DGKD: variants seen among roughly 807,000 people sequenced by gnomAD.
The protein encoded by DGKD is diacylglycerol kinase delta, also known as DAG kinase delta.
Under a neutral mutation model 154.4 loss-of-function variants are expected in DGKD, and 68 were observed. The observed-to-expected ratio is 0.44, with a 90% CI of 0.36 to 0.54. The LOEUF is 0.54. Ranked by LOEUF, DGKD falls within the 20% of genes least tolerant of loss-of-function variation. DGKD has a pLI of 0.00. For synonymous variants in DGKD, 693 were observed against 638.0 expected (o/e 1.09, Z -1.30); for missense variants, 1,343 against 1,593.6 (o/e 0.84, Z 2.68).
intron 1 of DGKD, among the ~76,000 whole-genome samples, chr2:233,361,797 AT>A (rs886217848): frequency 4.7e-5 from 7 of 149,794 alleles, no homozygotes; most frequent in East Asian, 1.9e-4. Flanking sequence ...GATACTAGAC[AT>A]TTTTTTTTTC....
intron 24 of DGKD, 60 bp downstream of exon 24, chr2:233,460,405 T>C: frequency 6.3e-7 from 1 of 1,592,514 alleles, no homozygotes; most frequent in Non-Finnish European, 8.6e-7. Flanking sequence ...GGGACTGCAC[T>C]CTTCCAAGGC....
intron 24 of DGKD, 146 bp downstream of exon 24, chr2:233,460,491 C>A: frequency 2.8e-6 from 3 of 1,076,126 alleles, no homozygotes; most frequent in Non-Finnish European, 3.9e-6. Flanking sequence ...TGTTTATGTG[C>A]CCTCAGCTCT....
chr2:233,436,611 G>A (rs1441474473), intron 7 of DGKD, among the ~76,000 whole-genome samples, 170 bp downstream of exon 7: 1 of 152,266 alleles, frequency 6.6e-6, no homozygotes, highest in Non-Finnish European at 1.5e-5. Flanking sequence ...TCTTAGCTAT[G>A]TTTTGGGGTA....
In DGKD at chr2:233,355,820, A is replaced by C. The variant is rs150075838; in HGVS notation, c.156+1146A>C. 3.3e-3 allele frequency among the ~76,000 whole-genome samples: 499 copies of C among 152,358 alleles called. 5 individuals are homozygous for C. Among genetic ancestry groups the C allele is most frequent in the African/African-American group, 0.011 (478 of 41,588 alleles). On this transcript the variant is annotated intron_variant, in intron 1 of 29. Coordinates refer to ENST00000264057, the MANE Select transcript of DGKD (RefSeq NM_152879.3). ...AGGCACTTTCTTGGGTTAGCTTTAC[A>C]GCACTTGACATGGTTAGTTTATTAG...
chr2:233,459,948 T>C lies in DGKD; in HGVS notation c.2829+57T>C. On this transcript the variant is annotated intron_variant, in intron 23 of 29. Coordinates refer to ENST00000264057, the MANE Select transcript of DGKD (RefSeq NM_152879.3). The surrounding 1 kb of genome is among the most constrained non-coding windows in gnomAD (Gnocchi z 5.7). Reference sequence around the variant, plus strand: ...GGTACAGGGCTCACCTGTGGGCTCTTGTGTGCACTGTTAAGAGCTGGAGCT... The same window carrying C: ...GGTACAGGGCTCACCTGTGGGCTCTCGTGTGCACTGTTAAGAGCTGGAGCT... The C allele has an allele frequency of 2.6e-6, 4 of 1,566,320 alleles. No individual in the cohort carries two copies. Among genetic ancestry groups the C allele is most frequent in the Non-Finnish European group, 2.6e-6 (3 of 1,159,832 alleles).
rs2062799710 is a variant in DGKD, at chr2:233,438,844, T to G, written c.1085+465T>G. Among the ~76,000 whole-genome samples, 1 of 152,154 alleles carries G rather than the reference T, an allele frequency of 6.6e-6. No homozygotes were observed. Among genetic ancestry groups the G allele is most frequent in the South Asian group, 2.1e-4 (1 of 4,826 alleles). ...GGTGTATTTTCCTGGCGTGCCTCGT[T>G]CTTTGTAACAGCTGCCTAACATTGA... On this transcript the variant is annotated intron_variant, in intron 9 of 29. Coordinates refer to ENST00000264057, the MANE Select transcript of DGKD (RefSeq NM_152879.3). The surrounding 1 kb of genome is among the most constrained non-coding windows in gnomAD (Gnocchi z 4.1).
At chr2:233,387,613 T>C (rs747419238) in intron 1 of DGKD, among the ~76,000 whole-genome samples, 6 of 152,176 alleles carry the variant, frequency 3.9e-5, no homozygotes, top group Non-Finnish European at 8.8e-5. Context: ...TATAATCCAT[T>C]TCTGGATTCT....
intron 27 of DGKD, among the ~76,000 whole-genome samples, chr2:233,465,400 T>C (rs1030735084): frequency 5.3e-5 from 8 of 152,136 alleles, no homozygotes; most frequent in Admixed American, 2.0e-4. Flanking sequence ...CCTCTTACAG[T>C]GGAAGAACGT....
At chr2:233,446,623 G>A in intron 11 of DGKD, 89 bp from the exon 12 acceptor site, 10 of 1,359,790 alleles carry the variant, frequency 7.4e-6, no homozygotes, top group Middle Eastern at 1.9e-4. Context: ...TAAAGATCAA[G>A]GCTGCCAGCC....
intron 3 of DGKD, chr2:233,419,372 T>G (rs2062044858): frequency 2.0e-6 from 2 of 985,382 alleles, no homozygotes; most frequent in Non-Finnish European, 2.4e-6. Context: ...CACTTCAATT[T>G]TGATACACGT....
chr2:233,438,717 CTTTCATTTTATAATTTTT>C lies in DGKD; in HGVS notation c.1085+340_1085+357del. On this transcript the variant is annotated intron_variant, in intron 9 of 29. Transcript: ENST00000264057. The surrounding 1 kb of genome is among the most constrained non-coding windows in gnomAD (Gnocchi z 4.1). ...GCATACAACGTTGTGGGTGTATTTT[CTTTCATTTTATAATTTTT>C]TATTTATCTGTCTATCTATCATCTA... 6.9e-6 allele frequency among the ~76,000 whole-genome samples: 1 copy of C among 144,882 alleles called. No individual in the cohort carries two copies.
chr2:233,445,524 A>G lies in DGKD; in HGVS notation c.1195-99A>G. On this transcript the variant is annotated intron_variant, in intron 10 of 29. Transcript: ENST00000264057. This position sits in a 1 kb window ranked among gnomAD's most constrained non-coding sequence, Gnocchi z 5.5. ...TTTTAGGTCACGTCCCCACATTGCT[A>G]ACGTAACCCTCACGGTGGGGGACAA... 1 of 1,473,686 alleles carries G rather than the reference A, an allele frequency of 6.8e-7. No homozygotes were observed. Among genetic ancestry groups the G allele is most frequent in the Non-Finnish European group, 9.0e-7 (1 of 1,105,212 alleles). 91.3% of individuals were successfully genotyped at this position (1,473,686 alleles called of 1,614,324 possible).
chr2:233,446,321 C>T (rs2063069033), intron 11 of DGKD, among the ~76,000 whole-genome samples: 2 of 152,236 alleles, frequency 1.3e-5, no homozygotes, highest in Admixed American at 6.5e-5. Flanking sequence ...GTTCTGAGCA[C>T]AGTTGTGGTT....
At chr2:233,435,008 A>G in intron 5 of DGKD, 107 bp downstream of exon 5, 3 of 1,489,180 alleles carry the variant, frequency 2.0e-6, no homozygotes, top group Non-Finnish European at 2.7e-6. Context: ...GTTGTCACCC[A>G]TGTGGTCAGT....
chr2:233,401,707 G>A (rs1381486321), intron 3 of DGKD, among the ~76,000 whole-genome samples: 1 of 151,910 alleles, frequency 6.6e-6, no homozygotes, highest in Non-Finnish European at 1.5e-5. Context: ...TTCAACTGAG[G>A]ACAGGAATTC....
chr2:233,367,860 T>C lies in DGKD; in HGVS notation c.156+13186T>C, dbSNP rs1435523635. On this transcript the variant is annotated intron_variant, in intron 1 of 29. Coordinates refer to ENST00000264057, the MANE Select transcript of DGKD (RefSeq NM_152879.3). ...TTCCTCTTTTTTTTTTCTTTTTTTT[T>C]TTTTTTTTTTAATAGAAGTGGGATC... 2.0e-5 allele frequency among the ~76,000 whole-genome samples: 3 copies of C among 149,228 alleles called. No individual in the cohort carries two copies. In the East Asian group the frequency reaches 5.9e-4, roughly 29 times the overall value.
intron 24 of DGKD, among the ~76,000 whole-genome samples, chr2:233,462,103 C>T (rs2063663275): frequency 6.6e-6 from 1 of 152,224 alleles, no homozygotes; most frequent in South Asian, 2.1e-4. Context: ...ACATTTCTCT[C>T]CCTGGAAAAT....
chr2:233,458,310 CAA>C lies in DGKD; in HGVS notation c.2608_2609del (p.Lys870AspfsTer40). ...CTTTCGCAGCTCCATCATTCGATGA[CAA>C]GATTCTGGAGGTGGTCGCCGTGTTC... is the stretch of plus-strand genomic sequence containing the variant. ...DTFAAPSFDDKILEVVAVFGS... is the reference protein window; with the variant it reads ...DTFAAPSFDDXILEVVAVFGS... On this transcript the variant is annotated frameshift_variant, in exon 22 of 30. Transcript: ENST00000264057. LOFTEE classifies it high-confidence loss of function. The surrounding 1 kb of genome is among the most constrained non-coding windows in gnomAD (Gnocchi z 6.6). 1 of 1,612,722 alleles carries C rather than the reference CAA, an allele frequency of 6.2e-7. No individual in the cohort carries two copies. The highest frequency in any genetic ancestry group is 8.5e-7 in the Non-Finnish European group (1 of 1,179,620).
chr2:233,382,999 C>G (rs1466302989), intron 1 of DGKD, among the ~76,000 whole-genome samples: 1 of 151,006 alleles, frequency 6.6e-6, no homozygotes, highest in Non-Finnish European at 1.5e-5. Context: ...GGTGGTTTTT[C>G]TTTTTTATCA....
Sources: gnomAD v4.1 joint callset for allele counts (sites outside exome capture counted in the v4.1 genomes callset) on GRCh38, gnomAD v4.1.1 for gene constraint, Gnocchi (gnomAD v3.1) non-coding constraint, MANE v1.5 for transcripts, NCBI Gene and HGNC (gene_info 2026-07-23, HGNC 2026-07-21) for gene names.